Variants in SEC31A observed in about 807,000 individuals in gnomAD.
SEC31A encodes the protein SEC31 homolog A, COPII component, also known as protein transport protein Sec31A.
Under a neutral mutation model 151.0 loss-of-function variants are expected in SEC31A, and 70 were observed. The ratio of observed to expected loss-of-function variants is 0.46; its 90% confidence interval spans 0.38 to 0.57. SEC31A has a LOEUF of 0.57. Among genes scored for constraint, SEC31A ranks in the 20% least tolerant of loss-of-function variants. The pLI, the probability that SEC31A is intolerant of heterozygous loss-of-function variation, is 0.00. For synonymous variants in SEC31A, 475 were observed against 505.9 expected (o/e 0.94, Z 0.82); for missense variants, 1,330 against 1,471.2 (o/e 0.90, Z 1.57).
chr4:82,868,363 C>T (rs3775979), intron 8 of SEC31A, among the ~76,000 whole-genome samples: 112,556 of 151,658 alleles, frequency 0.74, 42,151 homozygotes, highest in Admixed American at 0.8. Context: ...TGGCCAGGCA[C>T]GGTGCTGCAC....
chr4:82,878,061 A>C (rs1738410976), intron 4 of SEC31A: 1 of 152,220 alleles, frequency 6.6e-6, no homozygotes, highest in South Asian at 2.1e-4. Context: ...CTCAATTAAT[A>C]AAACAGTGAA....
chr4:82,837,604 C>T (rs1727717313), intron 22 of SEC31A, among the ~76,000 whole-genome samples: 1 of 152,048 alleles, frequency 6.6e-6, no homozygotes, highest in African/African-American at 2.4e-5. Flanking sequence ...AGGCTGGTCT[C>T]GAACTCCAGG....
At position 82,888,604 on chromosome 4, in the gene SEC31A, G is replaced by A. The variant is rs866551555; in HGVS notation, c.-5+2484C>T. On this transcript the variant is annotated intron_variant, in intron 1 of 26. Coordinates refer to ENST00000395310, the MANE Select transcript of SEC31A (RefSeq NM_001077207.4). ...CTCGGGAGACTGAGGGAGGAGAATCGCTTGAACCCAGGTGACGGAGTTTGC... is the reference window on the plus strand; with the variant it reads ...CTCGGGAGACTGAGGGAGGAGAATCACTTGAACCCAGGTGACGGAGTTTGC... Among the ~76,000 whole-genome samples, 13 of 151,872 alleles carry A rather than the reference G, an allele frequency of 8.6e-5. 1 individual carries two copies. Among genetic ancestry groups the A allele is most frequent in the Middle Eastern group, 6.8e-3 (2 of 294 alleles).
chr4:82,859,001 G>A (rs114828227), intron 14 of SEC31A, among the ~76,000 whole-genome samples: 1,960 of 151,850 alleles, frequency 0.013, 21 homozygotes, highest in Middle Eastern at 0.027. Flanking sequence ...ACGCCAGGCC[G>A]GAAAATATAT....
At chr4:82,848,350 A>C (rs1198644502) in intron 20 of SEC31A, among the ~76,000 whole-genome samples, 1 of 150,572 alleles carries the variant, frequency 6.6e-6, no homozygotes, top group Non-Finnish European at 1.5e-5. Flanking sequence ...GATACACTTC[A>C]TATTGTGCAA....
At position 82,841,204 on chromosome 4, in the gene SEC31A, G is replaced by A. The variant is rs187942127; in HGVS notation, c.2968+936C>T. Among the ~76,000 whole-genome samples, 1,174 of 148,796 alleles carry A rather than the reference G, an allele frequency of 7.9e-3. 16 individuals are homozygous for A. The highest frequency in any genetic ancestry group is 0.011 in the Middle Eastern group (3 of 268). On this transcript the variant is annotated intron_variant, in intron 22 of 26. Coordinates refer to ENST00000395310, the MANE Select transcript of SEC31A (RefSeq NM_001077207.4). ...TTTGGGAGGCTGAGGCAGGAGGGTC[G>A]CTTGAGGTCAGGAGTTTGAAACCAG... is the stretch of plus-strand genomic sequence containing the variant.
chr4:82,854,875 G>A, intron 17 of SEC31A, 28 bp downstream of exon 17: 1 of 1,582,460 alleles, frequency 6.3e-7, no homozygotes, highest in Non-Finnish European at 8.6e-7. Context: ...GTATGTAAAT[G>A]CAGTTAAATA....
intron 18 of SEC31A, 106 bp downstream of exon 18, chr4:82,853,464 A>T: frequency 1.1e-6 from 1 of 941,006 alleles, no homozygotes; most frequent in East Asian, 2.9e-5. Flanking sequence ...CAGCAAAAGA[A>T]GTTCTTGAAT....
At chr4:82,889,775 T>C (rs1560678584) in intron 1 of SEC31A, among the ~76,000 whole-genome samples, 1 of 152,026 alleles carries the variant, frequency 6.6e-6, no homozygotes. Context: ...ACCTCAAATT[T>C]CAAATTTCAC....
At chr4:82,893,225 T>G (rs1719923420), upstream of SEC31A, 2 of 152,308 alleles carry the variant, frequency 1.3e-5, no homozygotes, top group South Asian at 4.2e-4. Flanking sequence ...CACAACACCA[T>G]GCCTGGTTAA....
chr4:82,852,297 TATGAAAA>T (rs1731624429), intron 18 of SEC31A, among the ~76,000 whole-genome samples: 2 of 152,156 alleles, frequency 1.3e-5, no homozygotes, highest in Non-Finnish European at 2.9e-5. Context: ...TTCATTGCAG[TATGAAAA>T]TGGACTAATA....
At chr4:82,849,110 C>A in intron 19 of SEC31A, 133 bp from the exon 20 acceptor site, 1 of 760,540 alleles carries the variant, frequency 1.3e-6, no homozygotes, top group Non-Finnish European at 2.1e-6. Context: ...TACAATAGAC[C>A]CTGACACACA....
At chr4:82,844,647 A>T (rs189698847) in intron 20 of SEC31A, 138 bp from the exon 21 acceptor site, 20 of 839,900 alleles carry the variant, frequency 2.4e-5, no homozygotes, top group Middle Eastern at 2.6e-4. Context: ...TGCATTTTGC[A>T]TATTCTATCT....
chr4:82,845,900 G>A (rs771411054), intron 20 of SEC31A, among the ~76,000 whole-genome samples: 4 of 152,108 alleles, frequency 2.6e-5, no homozygotes, highest in Admixed American at 6.6e-5. Flanking sequence ...TGAAGGGACC[G>A]TACAACTCAA....
intron 16 of SEC31A, 87 bp from the exon 17 acceptor site, chr4:82,855,116 T>C: frequency 1.8e-6 from 2 of 1,110,214 alleles, no homozygotes; most frequent in East Asian, 5.8e-5. Flanking sequence ...GTCAAGTATT[T>C]CATGCCAAAT....
At chr4:82,849,900 A>G (rs1226156465) in intron 19 of SEC31A, among the ~76,000 whole-genome samples, 2 of 152,150 alleles carry the variant, frequency 1.3e-5, no homozygotes, top group Non-Finnish European at 2.9e-5. Context: ...TTTAAAAATT[A>G]TACATTCCTA....
At chr4:82,874,397 C>T (rs1380395672) in intron 6 of SEC31A, among the ~76,000 whole-genome samples, 3 of 152,064 alleles carry the variant, frequency 2.0e-5, no homozygotes, top group African/African-American at 7.2e-5. Flanking sequence ...ACCAATCTCT[C>T]TTCATCATTA....
At chr4:82,855,806 G>A (rs1209071501) in intron 16 of SEC31A, among the ~76,000 whole-genome samples, 2 of 152,110 alleles carry the variant, frequency 1.3e-5, no homozygotes, top group Non-Finnish European at 2.9e-5. Context: ...GGAGGAGAGA[G>A]AGAATCAGAA....
intron 10 of SEC31A, among the ~76,000 whole-genome samples, chr4:82,865,538 A>G (rs575184527): frequency 0.01 from 8 of 768 alleles, no homozygotes; most frequent in African/African-American, 0.027. Flanking sequence ...AAAATGTGGT[A>G]TATATATATA....
Sources: allele counts gnomAD v4.1 joint callset (sites outside exome capture counted in the v4.1 genomes callset), GRCh38; gene constraint gnomAD v4.1.1; transcripts MANE v1.5; gene names NCBI Gene and HGNC (gene_info 2026-07-23, HGNC 2026-07-21).